FLII: variants seen among roughly 807,000 people sequenced by gnomAD.
FLII encodes the protein FLII actin remodeling protein.
A neutral mutation model predicts 156.2 loss-of-function variants in FLII; 101 were observed. The observed-to-expected ratio is 0.65, with a 90% CI of 0.55 to 0.76. FLII has a LOEUF of 0.76. Among genes scored for constraint, FLII ranks in the 30% least tolerant of loss-of-function variants. The pLI is 0.00. For synonymous variants in FLII, 767 were observed against 685.8 expected (o/e 1.12, Z -1.85); for missense variants, 1,675 against 1,682.8 (o/e 1.00, Z 0.08).
intron 16 of FLII, 109 bp downstream of exon 16, chr17:18,249,018 G>T: frequency 1.5e-6 from 2 of 1,365,714 alleles, no homozygotes; most frequent in Non-Finnish European, 2.1e-6. Flanking sequence ...CCAAGCTCGT[G>T]GGCAGGAATT....
At position 18,256,976 on chromosome 17, in the gene FLII, C is replaced by A; in HGVS notation, c.107G>T (p.Arg36Leu). Reference sequence around the variant, plus strand: ...GCCAGTGCGGTTCAGCTTCAGCCACCGCAGGCTGGTCATGGCCTTGACATT... The same window carrying A: ...GCCAGTGCGGTTCAGCTTCAGCCACAGCAGGCTGGTCATGGCCTTGACATT... The part of the protein sequence containing the change: ...PENVKAMTSL[R>L]WLKLNRTGLC... Residue 36 changes from arginine to leucine, a missense_variant, in exon 2 of 30, where the codon CGG becomes CTG. Coordinates refer to ENST00000327031, the MANE Select transcript of FLII (RefSeq NM_002018.4). 6.2e-7 allele frequency: 1 copy of A among 1,611,646 alleles called. No individual in the cohort carries two copies. Among genetic ancestry groups the A allele is most frequent in the South Asian group, 1.1e-5 (1 of 90,470 alleles).
intron 3 of FLII, 114 bp downstream of exon 3, chr17:18,256,412 G>C: frequency 2.5e-6 from 2 of 804,834 alleles, no homozygotes; most frequent in East Asian, 5.4e-5. Flanking sequence ...CTCTGAGCCT[G>C]ACACGGAGGT....
chr17:18,247,232 G>T lies in FLII; in HGVS notation c.2613C>A (p.Asp871Glu), dbSNP rs374278447. The T allele has an allele frequency of 3.1e-6, 5 of 1,603,364 alleles. No homozygotes were observed. The highest frequency in any genetic ancestry group is 4.2e-6 in the Non-Finnish European group (5 of 1,179,528). Residue 871 changes from aspartate to glutamate, a missense_variant, in exon 21 of 30, where the codon GAC becomes GAA. Coordinates refer to ENST00000327031, the MANE Select transcript of FLII (RefSeq NM_002018.4). ...GKVKRDAEKKDQMKADLTALF... is the reference protein window; with the variant it reads ...GKVKRDAEKKEQMKADLTALF... ...GCGCAGTGAGGTCAGCCTTCATCTGGTCTTTCTTCTCGGCGTCGCGTTTCA... is the reference window on the plus strand; with the variant it reads ...GCGCAGTGAGGTCAGCCTTCATCTGTTCTTTCTTCTCGGCGTCGCGTTTCA...
At position 18,252,100 on chromosome 17, in the gene FLII, G is replaced by C. The variant is rs867791312; in HGVS notation, c.1145C>G (p.Pro382Arg). Residue 382 changes from proline to arginine, a missense_variant, in exon 11 of 30, where the codon CCC (proline) becomes CGC (arginine). By Grantham distance (103) the Pro-to-Arg change is moderately radical. This residue lies in a region of FLII where 1,332 missense variants were observed against 1,269.3 expected (regional missense o/e 1.05). Coordinates refer to ENST00000327031, the MANE Select transcript of FLII (RefSeq NM_002018.4). ...ENPNLVMPPK[P>R]ADRAAEWYNI... ...GTACCACTCAGCGGCACGGTCTGCGGGCTTGGGCGGCATGACCAGGTTGGG... is the reference window on the plus strand; with the variant it reads ...GTACCACTCAGCGGCACGGTCTGCGCGCTTGGGCGGCATGACCAGGTTGGG... The C allele has an allele frequency of 1.9e-6, 3 of 1,613,308 alleles. No homozygotes were observed. In the Admixed American group the frequency reaches 5.0e-5, roughly 27 times the overall value.
chr17:18,258,749 G>A (rs909407821), upstream of FLII: 22 of 1,229,602 alleles, frequency 1.8e-5, no homozygotes, highest in African/African-American at 2.5e-4. This position sits in a 1 kb window ranked among gnomAD's most constrained non-coding sequence, Gnocchi z 4.2. Context: ...GAGGGCGCTG[G>A]GGGGAGCCGC....
chr17:18,252,591 G>A (rs1567714358), intron 9 of FLII, 35 bp from the exon 10 acceptor site: 1 of 1,575,688 alleles, frequency 6.3e-7, no homozygotes, highest in African/African-American at 1.3e-5. Flanking sequence ...CCTCAGGCAG[G>A]TGACAGACAA....
At position 18,248,553 on chromosome 17, in the gene FLII, G is replaced by A. The variant is rs1244073767; in HGVS notation, c.2187C>T (p.Tyr729=). Residue 729 remains tyrosine (Y), a synonymous_variant, in exon 18 of 30, where the codon TAC becomes TAT. Coordinates refer to ENST00000327031, the MANE Select transcript of FLII (RefSeq NM_002018.4). ...EDFWPPQPKL[Y]KVGLGLGYLE... is the part of the protein sequence containing the mutation. Reference sequence around the variant, plus strand: ...GGGCCTCAGCAGCAGGGCTCACCTTGTACAGCTTGGGCTGCGGCGGCCAGA... The same window carrying A: ...GGGCCTCAGCAGCAGGGCTCACCTTATACAGCTTGGGCTGCGGCGGCCAGA... 9 of 1,608,038 alleles carry A rather than the reference G, an allele frequency of 5.6e-6. No individual in the cohort carries two copies. In the South Asian group the frequency reaches 7.7e-5, roughly 14 times the overall value.
chr17:18,249,248 C>T (rs768576570), intron 15 of FLII, 47 bp from the exon 16 acceptor site: 10 of 1,610,540 alleles, frequency 6.2e-6, no homozygotes, highest in African/African-American at 1.3e-5. Flanking sequence ...AAGGGCCTAA[C>T]TTAGCCCCAA....
chr17:18,256,445 T>C (rs1286464718), intron 3 of FLII, 81 bp downstream of exon 3: 12 of 1,130,824 alleles, frequency 1.1e-5, no homozygotes, highest in Non-Finnish European at 1.4e-5. Context: ...TGGCCCAGCT[T>C]GGTGTCTAGC....
intron 18 of FLII, 48 bp from the exon 19 acceptor site, chr17:18,248,081 C>A: frequency 7.4e-7 from 1 of 1,350,820 alleles, no homozygotes; most frequent in Non-Finnish European, 1.1e-6. Context: ...GAGACAGGAA[C>A]CTCACCCACA....
In FLII at chr17:18,245,774, G is replaced by A. The variant is rs754279330; in HGVS notation, c.3473C>T (p.Ala1158Val). The change falls in exon 27 of 30, where the codon GCC becomes GTC. Residue 1158 changes from alanine (A) to valine (V), a missense_variant. By Grantham distance (64) the Ala-to-Val change is moderately conservative. Around this residue, in one of 2 missense-constraint regions of FLII, gnomAD observed 1,332 missense variants for 1,269.3 expected, o/e 1.05. Coordinates refer to ENST00000327031, the MANE Select transcript of FLII (RefSeq NM_002018.4). Reference protein sequence around the residue: ...IGAQKPYDDDAEYMKHTRLFR... With the variant: ...IGAQKPYDDDVEYMKHTRLFR... ...GAGACGTGTGTGTTTCATGTACTCGGCATCGTCATCATAGGGCTTCTGTGC... is the reference window on the plus strand; with the variant it reads ...GAGACGTGTGTGTTTCATGTACTCGACATCGTCATCATAGGGCTTCTGTGC... 18 of 1,613,870 alleles carry A rather than the reference G, an allele frequency of 1.1e-5. No individual in the cohort carries two copies. The highest frequency in any genetic ancestry group is 1.4e-5 in the Non-Finnish European group (17 of 1,179,972).
At position 18,252,566 on chromosome 17, in the gene FLII, C is replaced by T. The variant is rs1409240545; in HGVS notation, c.1014-10G>A. On this transcript the variant is annotated splice_polypyrimidine_tract_variant and intron_variant, in intron 9 of 29. Coordinates refer to ENST00000327031, the MANE Select transcript of FLII (RefSeq NM_002018.4). ...CCTCAGCTTTGGGCACCTGTGAAGA[C>T]AGGGCCAGCCAGGGCCTCAGGCAGG... The T allele has an allele frequency of 6.2e-7, 1 of 1,608,022 alleles. No individual in the cohort carries two copies. Among genetic ancestry groups the T allele is most frequent in the Non-Finnish European group, 8.5e-7 (1 of 1,175,062 alleles).
chr17:18,253,511 C>T (rs200318301), intron 8 of FLII, 33 bp downstream of exon 8: 58 of 1,613,216 alleles, frequency 3.6e-5, no homozygotes, highest in Admixed American at 1.0e-4. Context: ...CACGGCCTTC[C>T]TCCCATCCCC....
In FLII at chr17:18,247,195, G is replaced by C. The variant is rs146376804; in HGVS notation, c.2650C>G (p.Arg884Gly). The C allele has an allele frequency of 3.2e-6, 5 of 1,566,306 alleles. No homozygotes were observed. The South Asian group carries it at 3.4e-5, about 11-fold the overall frequency. The change falls in exon 21 of 30, where the codon CGG becomes GGG. Residue 884 changes from arginine (R) to glycine (G), a missense_variant. Physicochemically the swap from Arg to Gly is moderately radical, Grantham distance 125 (BLOSUM62 -2). Transcript: ENST00000327031. The stretch of plus-strand genomic sequence containing the variant: ...TCGGCCAGCGACATGGGCGGCTGCC[G>C]CGGCAGGAAAAGCGCAGTGAGGTCA... ...KADLTALFLP[R>G]QPPMSLAEAE...
rs772180003 is a variant in FLII at position 18,247,773 on chromosome 17, T to G, written c.2371A>C (p.Lys791Gln). The change falls in exon 20 of 30, where the codon AAG becomes CAG. Residue 791 changes from lysine (K) to glutamine (Q), a missense_variant. Lys to Gln is a moderately conservative substitution (Grantham distance 53). Transcript: ENST00000327031. ...GCAGCGCGCACCAGGCGCGGGGACT[T>G]GCGGCCGAGCCAGATGAACACGTCG... ...WSDVFIWLGR[K>Q]SPRLVRAAAL... The G allele has an allele frequency of 6.2e-7, 1 of 1,609,822 alleles. No individual in the cohort carries two copies. Among genetic ancestry groups the G allele is most frequent in the South Asian group, 1.1e-5 (1 of 91,074 alleles).
chr17:18,251,649 C>T (rs1416688819), intron 12 of FLII, 31 bp downstream of exon 12: 1 of 1,613,546 alleles, frequency 6.2e-7, no homozygotes, highest in South Asian at 1.1e-5. Context: ...GCTAAGGCTC[C>T]CTGCCTTGTC....
chr17:18,246,292 T>TC lies in FLII; in HGVS notation c.3206+15dup. The TC allele has an allele frequency of 6.2e-7, 1 of 1,613,838 alleles. No individual in the cohort carries two copies. Among genetic ancestry groups the TC allele is most frequent in the Non-Finnish European group, 8.5e-7 (1 of 1,180,000 alleles). On this transcript the variant is annotated intron_variant, in intron 24 of 29. Transcript: ENST00000327031. Reference sequence around the variant, plus strand: ...CTGACGCTTGCTCGCCACTGCGTCCTCCCCCAGCCAGGCACCGGGTGCAGA... The same window carrying TC: ...CTGACGCTTGCTCGCCACTGCGTCCTCCCCCCAGCCAGGCACCGGGTGCAGA...
rs1371451625 is a variant in FLII, at chr17:18,256,483, T to G, written c.246+43A>C. On this transcript the variant is annotated intron_variant, in intron 3 of 29. Transcript: ENST00000327031. ...AGGCTTCACGTCCCTGACCGGACCTTGGCCCCAACCCCAAGCTCGGTGGCC... is the reference window on the plus strand; with the variant it reads ...AGGCTTCACGTCCCTGACCGGACCTGGGCCCCAACCCCAAGCTCGGTGGCC... The G allele has an allele frequency of 9.3e-6, 14 of 1,506,106 alleles. No individual in the cohort carries two copies. In the Middle Eastern group the frequency reaches 6.9e-4, roughly 74 times the overall value. The allele number at this position is 1,506,106 out of a possible 1,614,324, so 93.3% of individuals were successfully genotyped here.
At position 18,258,048 on chromosome 17, in the gene FLII, G is replaced by A. The variant is rs1368504391; in HGVS notation, c.63+580C>T. On this transcript the variant is annotated intron_variant, in intron 1 of 29. Coordinates refer to ENST00000327031, the MANE Select transcript of FLII (RefSeq NM_002018.4). This position sits in a 1 kb window ranked among gnomAD's most constrained non-coding sequence, Gnocchi z 4.2. Reference sequence around the variant, plus strand: ...CTGCCACCCAGCACCTGGCACACCGGCCTGACACACTCTCCACACCAACAA... The same window carrying A: ...CTGCCACCCAGCACCTGGCACACCGACCTGACACACTCTCCACACCAACAA... Among the ~76,000 whole-genome samples, 1 of 152,116 alleles carries A rather than the reference G, an allele frequency of 6.6e-6. No homozygotes were observed. Among genetic ancestry groups the A allele is most frequent in the East Asian group, 1.9e-4 (1 of 5,186 alleles).
Sources: gnomAD v4.1 joint callset for allele counts (sites outside exome capture counted in the v4.1 genomes callset) on GRCh38, gnomAD v4.1.1 for gene constraint, gnomAD v4.1.1 regional missense constraint, Gnocchi (gnomAD v3.1) non-coding constraint, MANE v1.5 for transcripts, NCBI Gene and HGNC (gene_info 2026-07-23, HGNC 2026-07-21) for gene names.